The following ZNF674 variants were observed in gnomAD, a reference collection of about 807,000 sequenced individuals.
The protein encoded by ZNF674 is zinc finger family member 674.
ZNF674 carries 2 observed loss-of-function variants against 7.0 expected under a neutral mutation model. That is an observed-to-expected ratio of 0.29 (90% confidence interval 0.12 to 0.90). ZNF674 has a LOEUF of 0.90. Ranked by LOEUF, ZNF674 falls within the 40% of genes least tolerant of loss-of-function variation. The probability of loss-of-function intolerance (pLI) is 0.57; values close to 1 mark genes in which losing one functional copy is unlikely to be tolerated. For missense variants in ZNF674, 297 were observed against 415.5 expected, an observed-to-expected ratio of 0.71 and a Z score of 2.48; for synonymous variants, 103 against 145.2, an observed-to-expected ratio of 0.71 and a Z score of 2.09.
chrX:46,506,720 C>G (rs1400676701), intron 5 of ZNF674, among the ~76,000 whole-genome samples: 2 of 111,922 alleles, frequency 1.8e-5, no homozygotes, highest in African/African-American at 6.5e-5. Flanking sequence ...ATCCAAAAAT[C>G]TCAAAACTTC....
At chrX:46,509,440 A>G (rs1479490994) in intron 5 of ZNF674, among the ~76,000 whole-genome samples, 1 of 108,374 alleles carries the variant, frequency 9.2e-6, no homozygotes, top group Non-Finnish European at 1.9e-5. Flanking sequence ...ACAAATTTAC[A>G]AGAAAAAAAC....
intron 2 of ZNF674, among the ~76,000 whole-genome samples, chrX:46,542,374 C>T (rs1942307842): frequency 8.9e-6 from 1 of 111,922 alleles, no homozygotes; most frequent in African/African-American, 3.2e-5. Flanking sequence ...TTAACATCTC[C>T]TTTATCTCAA....
intron 5 of ZNF674, among the ~76,000 whole-genome samples, chrX:46,517,371 TATTA>T (rs1386310934): frequency 3.6e-5 from 4 of 111,138 alleles, no homozygotes; most frequent in African/African-American, 6.5e-5. Flanking sequence ...ATGTTCATGT[TATTA>T]GAGTCCTCAA....
At chrX:46,532,207 G>C (rs867844443) in intron 3 of ZNF674, among the ~76,000 whole-genome samples, 3 of 111,691 alleles carry the variant, frequency 2.7e-5, no homozygotes, top group African/African-American at 6.5e-5. Context: ...GTATGTATGT[G>C]ACTCTCTTAA....
At chrX:46,530,420 G>A (rs6611253) in intron 3 of ZNF674, among the ~76,000 whole-genome samples, 1 of 110,798 alleles carries the variant, frequency 9.0e-6, no homozygotes, top group African/African-American at 3.3e-5. Context: ...CCATAGACCA[G>A]TATCTCTTGT....
At chrX:46,520,162 G>A (rs1049630449) in intron 5 of ZNF674, among the ~76,000 whole-genome samples, 3 of 111,565 alleles carry the variant, frequency 2.7e-5, no homozygotes, top group Non-Finnish European at 5.6e-5. Flanking sequence ...AGCACTTTGG[G>A]AGGCCAAGTT....
chrX:46,528,170 G>A (rs1278166794), intron 5 of ZNF674, 180 bp downstream of exon 5: 13 of 515,798 alleles, frequency 2.5e-5, no homozygotes, highest in East Asian at 1.8e-4. Context: ...CACAGAGCCT[G>A]TAACCGGCGG....
chrX:46,536,444 G>C (rs946764790), intron 3 of ZNF674, among the ~76,000 whole-genome samples: 5 of 110,960 alleles, frequency 4.5e-5, no homozygotes, highest in African/African-American at 3.3e-5. Flanking sequence ...ACAAAAATTA[G>C]CTGGGCATGG....
intron 5 of ZNF674, among the ~76,000 whole-genome samples, chrX:46,522,583 A>G (rs779223698): frequency 5.3e-4 from 59 of 111,860 alleles, no homozygotes; most frequent in Admixed American, 1.4e-3. Context: ...AGGATTGCTT[A>G]AGCCCAGGAG....
Position 46,500,455 on chromosome X carries a change from A to C in ZNF674, c.1119T>G (p.Thr373=), listed in dbSNP as rs1284902185. The C allele has an allele frequency of 3.3e-6, 4 of 1,211,711 alleles. No individual in the cohort carries two copies. In the South Asian group the frequency reaches 7.0e-5, roughly 21 times the overall value. ...EKPSPTKHWR[T]HTKENIYECS... is the part of the protein sequence containing the mutation. The stretch of plus-strand genomic sequence containing the variant: ...ACTCATAAATGTTCTCTTTTGTATG[A>C]GTTCTCCAATGTTTAGTGGGACTGG... Residue 373 remains threonine, a synonymous_variant, in exon 6 of 6, where the codon ACT becomes ACG. Coordinates refer to ENST00000683375, the MANE Select transcript of ZNF674 (RefSeq NM_001190417.2).
At chrX:46,517,819 G>A (rs1160182546) in intron 5 of ZNF674, 2 of 111,621 alleles carry the variant, frequency 1.8e-5, no homozygotes, top group East Asian at 5.6e-4. Flanking sequence ...AGATTAGCAT[G>A]GCTCCTGTGT....
At position 46,498,434 on chromosome X, in the gene ZNF674, A is replaced by C. The variant is rs1461083428; in HGVS notation, c.*1409T>G. On this transcript the variant is annotated 3_prime_UTR_variant, in exon 6 of 6. Transcript: ENST00000683375. The stretch of plus-strand genomic sequence containing the variant: ...TGCACTGAAGATATTGATGAATAAT[A>C]TACGTAAGGTCTCCTGTTTGAGATC... 1 of 111,393 alleles carries C rather than the reference A, an allele frequency of 9.0e-6. No homozygotes were observed. Among genetic ancestry groups the C allele is most frequent in the African/African-American group, 3.3e-5 (1 of 30,694 alleles). The allele number at this position is 111,393 out of a possible 1,213,427, so 9.2% of individuals were successfully genotyped here.
At chrX:46,511,894 G>A (rs1473563518) in intron 5 of ZNF674, among the ~76,000 whole-genome samples, 2 of 110,980 alleles carry the variant, frequency 1.8e-5, no homozygotes, top group African/African-American at 6.5e-5. Flanking sequence ...AGGGTGGTAT[G>A]TGCCTGTAAT....
intron 3 of ZNF674, among the ~76,000 whole-genome samples, chrX:46,537,840 G>A (rs1389087239): frequency 1.8e-5 from 2 of 112,262 alleles, no homozygotes; most frequent in Non-Finnish European, 3.8e-5. Context: ...TGTAATCCCA[G>A]CACTTTGGGA....
At chrX:46,522,684 TAAAAG>T (rs1941935892) in intron 5 of ZNF674, among the ~76,000 whole-genome samples, 1 of 111,269 alleles carries the variant, frequency 9.0e-6, no homozygotes, top group South Asian at 3.8e-4. Flanking sequence ...ATAAATAACT[TAAAAG>T]AGAGAAGAGT....
intron 3 of ZNF674, among the ~76,000 whole-genome samples, chrX:46,538,018 G>A (rs1238497569): frequency 9.0e-6 from 1 of 110,594 alleles, no homozygotes; most frequent in East Asian, 2.8e-4. Context: ...GAACCCGGGA[G>A]GCGGAGGTTG....
chrX:46,517,396 G>A (rs1443111775), intron 5 of ZNF674, among the ~76,000 whole-genome samples: 1 of 111,167 alleles, frequency 9.0e-6, no homozygotes, highest in East Asian at 2.8e-4. Flanking sequence ...AGAAGGAGAA[G>A]AAGAGACTAC....
At position 46,499,997 on chromosome X, in the gene ZNF674, C is replaced by A. The variant is rs756522558; in HGVS notation, c.1577G>T (p.Gly526Val). Residue 526 changes from glycine (G) to valine (V), a missense_variant, in exon 6 of 6, where the codon GGG (glycine) becomes GTG (valine). Transcript: ENST00000683375. ...GEKPYKCSEC[G>V]KAFSVKSTLI... is the part of the protein sequence containing the mutation. Reference sequence around the variant, plus strand: ...AGTTGATTTCACACTGAAGGCCTTCCCACATTCACTACATTTGTAAGGTTT... The same window carrying A: ...AGTTGATTTCACACTGAAGGCCTTCACACATTCACTACATTTGTAAGGTTT... 6 of 1,206,378 alleles carry A rather than the reference C, an allele frequency of 5.0e-6. No homozygotes were observed. The highest frequency in any genetic ancestry group is 6.7e-6 in the Non-Finnish European group (6 of 893,345).
intron 5 of ZNF674, among the ~76,000 whole-genome samples, chrX:46,516,204 G>T (rs5906223): frequency 0.24 from 26,503 of 111,057 alleles, 2,747 homozygotes; most frequent in Middle Eastern, 0.38. Flanking sequence ...ACTGATTATT[G>T]CAACAAAAAT....
Sources: gnomAD v4.1 joint callset for allele counts (sites outside exome capture counted in the v4.1 genomes callset) on GRCh38, gnomAD v4.1.1 for gene constraint, MANE v1.5 for transcripts, NCBI Gene and HGNC (gene_info 2026-07-23, HGNC 2026-07-21) for gene names.